The following PDCL3 variants were observed in gnomAD, a reference collection of about 807,000 sequenced individuals.
The protein encoded by PDCL3 is phosducin like 3.
A neutral mutation model predicts 26.5 loss-of-function variants in PDCL3; 22 were observed. The ratio of observed to expected loss-of-function variants is 0.83; its 90% CI spans 0.59 to 1.19. PDCL3 has a LOEUF of 1.19. Ranked by LOEUF, PDCL3 falls within the 50% of genes most tolerant of loss-of-function variation. The probability of loss-of-function intolerance (pLI) is 0.00; values close to 1 mark genes in which losing one functional copy is unlikely to be tolerated. For missense variants in PDCL3, 246 were observed against 294.1 expected (o/e 0.84, Z 1.20); for synonymous variants, 81 against 104.9 (o/e 0.77, Z 1.39).
At chr2:100,575,424 C>A (rs370701808) in intron 5 of PDCL3, among the ~76,000 whole-genome samples, 1 of 152,178 alleles carries the variant, frequency 6.6e-6, no homozygotes, top group Admixed American at 6.5e-5. Flanking sequence ...CATGTGCCAC[C>A]GCGCCCGGCC....
chr2:100,576,585 G>C lies in PDCL3; in HGVS notation c.*89G>C. The stretch of plus-strand genomic sequence containing the variant: ...GAAAAAGCAAGAATGAATCCTTGTG[G>C]TTTTTAGTTTTGTATAAATTATGTT... On this transcript the variant is annotated 3_prime_UTR_variant, in exon 6 of 6. Coordinates refer to ENST00000264254, the MANE Select transcript of PDCL3 (RefSeq NM_024065.5). 7.8e-7 allele frequency: 1 copy of C among 1,279,252 alleles called. No individual in the cohort carries two copies. The highest frequency in any genetic ancestry group is 1.0e-6 in the Non-Finnish European group (1 of 989,654). The allele number at this position is 1,279,252 out of a possible 1,614,324, so 79.2% of individuals were successfully genotyped here.
chr2:100,564,568 T>A (rs977010970), intron 1 of PDCL3, among the ~76,000 whole-genome samples: 39 of 152,032 alleles, frequency 2.6e-4, no homozygotes, highest in African/African-American at 7.7e-4. Context: ...AGTGCTGGGA[T>A]TATCGGCATG....
At position 100,563,039 on chromosome 2, in the gene PDCL3, C is replaced by T; in HGVS notation, c.-29C>T. 1.3e-6 allele frequency: 2 copies of T among 1,597,880 alleles called. No homozygotes were observed. The highest frequency in any genetic ancestry group is 1.7e-6 in the Non-Finnish European group (2 of 1,172,756). On this transcript the variant is annotated 5_prime_UTR_variant, in exon 1 of 6. Coordinates refer to ENST00000264254, the MANE Select transcript of PDCL3 (RefSeq NM_024065.5). ...GAGGGGCGGGGGCGCTGCGGCACAG[C>T]TGGTTTGAGCAACTGAACTGGAAAC... is the stretch of plus-strand genomic sequence containing the variant.
chr2:100,571,911 C>CTGTGTATGAGTGA (rs1553417933), intron 5 of PDCL3, 113 bp downstream of exon 5: 1 of 912,616 alleles, frequency 1.1e-6, no homozygotes, highest in Non-Finnish European at 1.8e-6. Flanking sequence ...TTCACTTCTG[C>CTGTGTATGAGTGA]CTGTGTATGA....
At chr2:100,563,915 G>GT (rs373590264) in intron 1 of PDCL3, among the ~76,000 whole-genome samples, 66,611 of 140,504 alleles carry the variant, frequency 0.47, 16,937 homozygotes, top group East Asian at 0.94. Flanking sequence ...GCCAGACACT[G>GT]TTTTTTTTTT....
chr2:100,571,398 C>T (rs935092536), intron 4 of PDCL3, among the ~76,000 whole-genome samples, 192 bp from the exon 5 acceptor site: 1 of 152,106 alleles, frequency 6.6e-6, no homozygotes, highest in African/African-American at 2.4e-5. Context: ...CGAGATCACA[C>T]CACTTCACTC....
intron 2 of PDCL3, among the ~76,000 whole-genome samples, chr2:100,567,779 G>A (rs971172637): frequency 1.6e-4 from 24 of 152,094 alleles, no homozygotes; most frequent in Admixed American, 3.9e-4. Flanking sequence ...CACCTAATGA[G>A]GCAGGAAGCT....
At chr2:100,570,804 T>C (rs1037300681) in intron 4 of PDCL3, among the ~76,000 whole-genome samples, 4 of 152,178 alleles carry the variant, frequency 2.6e-5, no homozygotes, top group Admixed American at 6.5e-5. Context: ...GAAAACGTTT[T>C]CTGACATTTC....
intron 4 of PDCL3, among the ~76,000 whole-genome samples, 153 bp from the exon 5 acceptor site, chr2:100,571,437 A>G (rs752978429): frequency 6.6e-6 from 1 of 152,186 alleles, no homozygotes. Flanking sequence ...ACAAGACCCT[A>G]TGTCAAAAAA....
intron 1 of PDCL3, 128 bp from the exon 2 acceptor site, chr2:100,566,375 C>T: frequency 3.2e-6 from 4 of 1,236,972 alleles, no homozygotes; most frequent in Non-Finnish European, 4.5e-6. Context: ...GACACTTTCT[C>T]AGAAATAGTT....
chr2:100,571,030 A>C lies in PDCL3; in HGVS notation c.369-560A>C, dbSNP rs116730847. Among the ~76,000 whole-genome samples, 1,308 of 149,496 alleles carry C rather than the reference A, an allele frequency of 8.7e-3. 18 individuals carry two copies. Among genetic ancestry groups the C allele is most frequent in the African/African-American group, 0.029 (1,187 of 40,500 alleles). ...TTACACCTGTAATACCTGTAATCCC[A>C]GCACTTTGGGAAGCCATTGCGGCCG... On this transcript the variant is annotated intron_variant, in intron 4 of 5. Transcript: ENST00000264254.
At chr2:100,567,937 G>T (rs758678663) in intron 2 of PDCL3, among the ~76,000 whole-genome samples, 3 of 151,696 alleles carry the variant, frequency 2.0e-5, no homozygotes, top group Non-Finnish European at 4.4e-5. Context: ...ATTCTCCTGC[G>T]TCAGCCTCCC....
intron 1 of PDCL3, among the ~76,000 whole-genome samples, chr2:100,563,714 A>G (rs1675002443): frequency 6.6e-6 from 1 of 151,812 alleles, no homozygotes; most frequent in Admixed American, 6.6e-5. Context: ...AAGGAGAATG[A>G]ATGAAAACAC....
intron 2 of PDCL3, among the ~76,000 whole-genome samples, chr2:100,567,186 T>C (rs1273358120): frequency 6.6e-6 from 1 of 152,184 alleles, no homozygotes; most frequent in African/African-American, 2.4e-5. Flanking sequence ...TAAAGGATTC[T>C]GATGCGTGTC....
At position 100,566,639 on chromosome 2, in the gene PDCL3, C is replaced by T. The variant is rs570938771; in HGVS notation, c.133+10C>T. 20 of 1,613,586 alleles carry T rather than the reference C, an allele frequency of 1.2e-5. No homozygotes were observed. The East Asian group carries it at 4.5e-4, about 36-fold the overall frequency. ...CTCCAGCAGTCAGTGGGTGAGTTCA[C>T]TCGCTTTCCTCTGCACCTGTCTGGG... On this transcript the variant is annotated intron_variant, in intron 2 of 5. Coordinates refer to ENST00000264254, the MANE Select transcript of PDCL3 (RefSeq NM_024065.5).
At chr2:100,576,256 G>A (rs1386336220) in intron 5 of PDCL3, 98 bp from the exon 6 acceptor site, 6 of 1,409,016 alleles carry the variant, frequency 4.3e-6, no homozygotes, top group African/African-American at 1.5e-5. Context: ...TTCGATAATT[G>A]TATTTTCTAC....
chr2:100,572,318 T>C (rs1277290635), intron 5 of PDCL3, among the ~76,000 whole-genome samples: 1 of 151,988 alleles, frequency 6.6e-6, no homozygotes, highest in Non-Finnish European at 1.5e-5. Context: ...TTCAAGTGAT[T>C]CTCCTGCCTC....
chr2:100,571,114 CAAAAAAAAAA>C (rs59012685), intron 4 of PDCL3, among the ~76,000 whole-genome samples: 1 of 109,080 alleles, frequency 9.2e-6, no homozygotes, highest in Admixed American at 9.6e-5. Flanking sequence ...CCTGTCTTTA[CAAAAAAAAAA>C]AAAAAAAATC....
rs956658441 is a variant in PDCL3, at chr2:100,576,623, A to T, written c.*127A>T. 2.0e-6 allele frequency: 2 copies of T among 1,023,116 alleles called. No individual in the cohort carries two copies. The highest frequency in any genetic ancestry group is 8.1e-5 in the Admixed American group (2 of 24,670). The allele number at this position is 1,023,116 out of a possible 1,614,324, so 63.4% of individuals were successfully genotyped here. On this transcript the variant is annotated 3_prime_UTR_variant, in exon 6 of 6. Transcript: ENST00000264254. ...TATAAATTATGTTTCAAATCTTTACATTTTGGAAATAATCATTGCTGGAGA... is the reference window on the plus strand; with the variant it reads ...TATAAATTATGTTTCAAATCTTTACTTTTTGGAAATAATCATTGCTGGAGA...
Sources: gnomAD v4.1 joint callset for allele counts (sites outside exome capture counted in the v4.1 genomes callset) on GRCh38, gnomAD v4.1.1 for gene constraint, MANE v1.5 for transcripts, NCBI Gene and HGNC (gene_info 2026-07-23, HGNC 2026-07-21) for gene names.